Variants in LRIG1 observed in about 807,000 individuals in gnomAD.
The protein encoded by LRIG1 is leucine rich repeats and immunoglobulin like domains 1.
LRIG1 carries 48 observed loss-of-function variants against 99.2 expected under a neutral mutation model. That is an observed-to-expected ratio of 0.48 (90% CI 0.38 to 0.62). The LOEUF is 0.62. Ranked by LOEUF, LRIG1 falls within the 20% of genes least tolerant of loss-of-function variation. LRIG1 has a pLI of 0.00. For synonymous variants in LRIG1, 772 were observed against 596.1 expected, an observed-to-expected ratio of 1.29 and a Z score of -4.30; for missense variants, 1,646 against 1,434.4, an observed-to-expected ratio of 1.15 and a Z score of -2.38.
chr3:66,462,617 C>T (rs1224852864), intron 1 of LRIG1, 108 bp from the exon 2 acceptor site: 2 of 752,000 alleles, frequency 2.7e-6, no homozygotes, highest in Non-Finnish European at 4.6e-6. Context: ...TCCAAGCCCC[C>T]ATCCCATGAT....
intron 3 of LRIG1, among the ~76,000 whole-genome samples, chr3:66,450,688 A>G (rs1703876481): frequency 6.6e-6 from 1 of 152,228 alleles, no homozygotes; most frequent in Admixed American, 6.5e-5. Context: ...AGTATTGAGA[A>G]AAGATTCATA....
intron 1 of LRIG1, among the ~76,000 whole-genome samples, chr3:66,474,865 C>T (rs1575720552): frequency 6.6e-6 from 1 of 152,174 alleles, no homozygotes; most frequent in Non-Finnish European, 1.5e-5. Flanking sequence ...AGCCAATCAC[C>T]AGCAAAGGTG....
At chr3:66,409,949 G>C in intron 7 of LRIG1, 180 bp downstream of exon 7, 1 of 568,436 alleles carries the variant, frequency 1.8e-6, no homozygotes, top group Non-Finnish European at 3.1e-6. Flanking sequence ...ATGAGGAAGG[G>C]ACTGGGGCTC....
chr3:66,465,177 G>A (rs1439552641), intron 1 of LRIG1, among the ~76,000 whole-genome samples: 1 of 152,102 alleles, frequency 6.6e-6, no homozygotes, highest in African/African-American at 2.4e-5. Context: ...GGGCTGTTCT[G>A]GTTTTTAAGT....
intron 12 of LRIG1, among the ~76,000 whole-genome samples, chr3:66,388,809 A>G (rs1701501440): frequency 6.6e-6 from 1 of 152,260 alleles, no homozygotes; most frequent in Admixed American, 6.5e-5. Context: ...TATTTTAAAC[A>G]CACACAGAGC....
chr3:66,480,091 A>C (rs777468458), intron 1 of LRIG1, among the ~76,000 whole-genome samples: 41 of 152,368 alleles, frequency 2.7e-4, no homozygotes, highest in South Asian at 1.9e-3. Context: ...GGATAAAGAA[A>C]ATACAGTCTC....
Position 66,380,504 on chromosome 3 carries a change from C to A in LRIG1, c.3056-15G>T, listed in dbSNP as rs376656062. The A allele has an allele frequency of 1.2e-6, 2 of 1,614,094 alleles. No homozygotes were observed. The highest frequency in any genetic ancestry group is 2.7e-5 in the African/African-American group (2 of 75,048). On this transcript the variant is annotated splice_polypyrimidine_tract_variant and intron_variant, in intron 18 of 18. Transcript: ENST00000273261. ...GGAAGAATCCCCTACAAGGAAAGAA[C>A]GAACCTGTCAGACCCCCACTTGACC... is the stretch of plus-strand genomic sequence containing the variant.
intron 2 of LRIG1, among the ~76,000 whole-genome samples, chr3:66,452,339 C>T (rs1296218402): frequency 6.6e-6 from 1 of 152,204 alleles, no homozygotes; most frequent in African/African-American, 2.4e-5. Context: ...TATCTCTTAA[C>T]GGAAGGGGAA....
intron 3 of LRIG1, among the ~76,000 whole-genome samples, chr3:66,423,864 C>G (rs928009524): frequency 6.6e-6 from 1 of 152,226 alleles, no homozygotes; most frequent in Non-Finnish European, 1.5e-5. Context: ...TGACCTGACA[C>G]GTAACAACTG....
At chr3:66,488,809 G>A (rs1311930751) in intron 1 of LRIG1, among the ~76,000 whole-genome samples, 3 of 152,182 alleles carry the variant, frequency 2.0e-5, no homozygotes, top group Non-Finnish European at 4.4e-5. Context: ...AATGTGACAG[G>A]TGGCCCATCC....
chr3:66,401,526 G>A, intron 9 of LRIG1: 1 of 933,124 alleles, frequency 1.1e-6, no homozygotes. Flanking sequence ...TTTTAACGGT[G>A]ACAATAGCAA....
chr3:66,470,782 T>C (rs988673356), intron 1 of LRIG1, among the ~76,000 whole-genome samples: 2 of 152,246 alleles, frequency 1.3e-5, no homozygotes, highest in Non-Finnish European at 2.9e-5. Flanking sequence ...GCATTTGCTT[T>C]CTATACTACC....
chr3:66,417,189 A>C lies in LRIG1; in HGVS notation c.443T>G (p.Leu148Trp), dbSNP rs1702640933. The change falls in exon 4 of 19, where the codon TTG becomes TGG. Residue 148 changes from leucine (L) to tryptophan (W), a missense_variant. Coordinates refer to ENST00000273261, the MANE Select transcript of LRIG1 (RefSeq NM_015541.3). ...YLSLEVLDLS[L>W]NNITEVRNTC... Reference sequence around the variant, plus strand: ...GTTCCGCACTTCCGTGATGTTGTTCAAACTCAGATCTAACACTTCTAAGGA... The same window carrying C: ...GTTCCGCACTTCCGTGATGTTGTTCCAACTCAGATCTAACACTTCTAAGGA... The C allele has an allele frequency of 2.5e-6, 4 of 1,614,106 alleles. No homozygotes were observed. The highest frequency in any genetic ancestry group is 2.5e-6 in the Non-Finnish European group (3 of 1,180,046).
chr3:66,462,303 C>G (rs1234830150), intron 2 of LRIG1, 135 bp downstream of exon 2: 3 of 677,986 alleles, frequency 4.4e-6, no homozygotes, highest in African/African-American at 3.6e-5. Flanking sequence ...TTCATCAACA[C>G]AGTCCATACA....
intron 1 of LRIG1, among the ~76,000 whole-genome samples, chr3:66,476,935 T>G (rs1167956128): frequency 1.3e-5 from 2 of 152,220 alleles, no homozygotes; most frequent in African/African-American, 4.8e-5. Context: ...GAAATTGTGA[T>G]GGCAACTGAT....
At chr3:66,438,764 G>A (rs1044985753) in intron 3 of LRIG1, among the ~76,000 whole-genome samples, 9 of 152,164 alleles carry the variant, frequency 5.9e-5, no homozygotes, top group South Asian at 4.2e-4. Context: ...AGCAAAAATG[G>A]ACCAATGCCC....
intron 3 of LRIG1, among the ~76,000 whole-genome samples, chr3:66,447,555 C>A (rs1703768514): frequency 6.6e-6 from 1 of 152,158 alleles, no homozygotes; most frequent in African/African-American, 2.4e-5. Context: ...GTTGAGGACA[C>A]AGGCTGTGGG....
At chr3:66,416,211 C>T (rs1009217765) in intron 4 of LRIG1, among the ~76,000 whole-genome samples, 2 of 152,164 alleles carry the variant, frequency 1.3e-5, no homozygotes, top group Admixed American at 6.5e-5. Context: ...TTTTGAGGGC[C>T]CACACTGGAG....
At position 66,481,460 on chromosome 3, in the gene LRIG1, G is replaced by C. The variant is rs113726209; in HGVS notation, c.218+18730C>G. Among the ~76,000 whole-genome samples the C allele has an allele frequency of 4.7e-3, 710 of 152,234 alleles. 6 individuals are homozygous for C. Among genetic ancestry groups the C allele is most frequent in the African/African-American group, 0.014 (577 of 41,532 alleles). Reference sequence around the variant, plus strand: ...ATAAAGCCGACATTGTCCCTAGGGTGGGGGGAACCACCTCGAAATTGGCAG... The same window carrying C: ...ATAAAGCCGACATTGTCCCTAGGGTCGGGGGAACCACCTCGAAATTGGCAG... On this transcript the variant is annotated intron_variant, in intron 1 of 18. Coordinates refer to ENST00000273261, the MANE Select transcript of LRIG1 (RefSeq NM_015541.3).
Sources: allele counts gnomAD v4.1 joint callset (sites outside exome capture counted in the v4.1 genomes callset), GRCh38; gene constraint gnomAD v4.1.1; transcripts MANE v1.5; gene names NCBI Gene and HGNC (gene_info 2026-07-23, HGNC 2026-07-21).